The following VPS13B variants were observed in gnomAD, a reference collection of about 807,000 sequenced individuals.
The protein encoded by VPS13B is vacuolar protein sorting 13 homolog B, also known as intermembrane lipid transfer protein VPS13B.
In VPS13B, 285 loss-of-function variants were observed where a neutral mutation model predicts 426.4. That is an observed-to-expected ratio of 0.67 (90% confidence interval 0.61 to 0.74). The LOEUF (loss-of-function observed/expected upper bound fraction) is 0.74. Among genes scored for constraint, VPS13B ranks in the 30% least tolerant of loss-of-function variants. The pLI is 0.00. For missense variants in VPS13B, 4,537 were observed against 4,782.6 expected (o/e 0.95, Z 1.51); for synonymous variants, 1,676 against 1,676.4 (o/e 1.00, Z 0.01).
At chr8:99,197,100 A>G (rs1224460605) in intron 17 of VPS13B, among the ~76,000 whole-genome samples, 2 of 152,092 alleles carry the variant, frequency 1.3e-5, no homozygotes, top group African/African-American at 2.4e-5. Context: ...TTTGTCCTTT[A>G]TTTTGTTAAT....
At chr8:99,228,324 C>T (rs1028520029) in intron 17 of VPS13B, among the ~76,000 whole-genome samples, 1 of 152,032 alleles carries the variant, frequency 6.6e-6, no homozygotes, top group African/African-American at 2.4e-5. Flanking sequence ...TGAGAACTGA[C>T]AGGTTATATG....
intron 39 of VPS13B, among the ~76,000 whole-genome samples, chr8:99,740,432 A>G (rs1809647398): frequency 6.6e-6 from 1 of 152,242 alleles, no homozygotes; most frequent in Non-Finnish European, 1.5e-5. Context: ...TCCCCAATCT[A>G]GCAAGGCAGG....
chr8:99,827,777 G>C (rs551517389), intron 51 of VPS13B, among the ~76,000 whole-genome samples: 1 of 152,190 alleles, frequency 6.6e-6, no homozygotes, highest in Admixed American at 6.5e-5. Context: ...ATTCTGGTAT[G>C]TTGTGTCTTT....
At chr8:99,353,827 CAGTAAAA>C (rs1189474026) in intron 19 of VPS13B, among the ~76,000 whole-genome samples, 1 of 152,010 alleles carries the variant, frequency 6.6e-6, no homozygotes, top group African/African-American at 2.4e-5. Context: ...TGACTTGTAG[CAGTAAAA>C]ACTATTATGA....
intron 2 of VPS13B, among the ~76,000 whole-genome samples, chr8:99,032,087 G>A (rs891402336): frequency 6.6e-6 from 1 of 152,194 alleles, no homozygotes; most frequent in African/African-American, 2.4e-5. Context: ...GACTGCTGAG[G>A]ATGTCTTGCT....
chr8:99,398,114 GT>G (rs1814838766), intron 21 of VPS13B, among the ~76,000 whole-genome samples: 1 of 152,272 alleles, frequency 6.6e-6, no homozygotes, highest in African/African-American at 2.4e-5. Context: ...TTAAAAAAAT[GT>G]TTTTAGTGTT....
intron 39 of VPS13B, among the ~76,000 whole-genome samples, chr8:99,728,668 A>G (rs1039665834): frequency 7.4e-4 from 113 of 152,344 alleles, no homozygotes; most frequent in African/African-American, 2.6e-3. Flanking sequence ...ATTGAGAGCA[A>G]CTGCTGTAAG....
At chr8:99,382,943 T>G (rs187133499) in intron 19 of VPS13B, among the ~76,000 whole-genome samples, 71 of 152,304 alleles carry the variant, frequency 4.7e-4, no homozygotes, top group African/African-American at 1.6e-3. Context: ...TGATGGCATA[T>G]TTCCTATATG....
rs200542807 is a variant in VPS13B, at chr8:99,032,109, G to A, written c.148-6314G>A. ...GAGGATGTCTTGCTTAACTTTTCTC[G>A]TCAATAGGGAGTCCCTTCTGGCTCC... On this transcript the variant is annotated intron_variant, in intron 2 of 61. Transcript: ENST00000357162. 4.6e-5 allele frequency among the ~76,000 whole-genome samples: 7 copies of A among 152,286 alleles called. No homozygotes were observed. In the East Asian group the frequency reaches 9.6e-4, roughly 21 times the overall value.
At chr8:99,561,732 T>C (rs954920525) in intron 31 of VPS13B, among the ~76,000 whole-genome samples, 4 of 152,234 alleles carry the variant, frequency 2.6e-5, no homozygotes, top group Non-Finnish European at 4.4e-5. Context: ...TCTTGACTTA[T>C]GATGCATTCA....
chr8:99,140,275 G>T (rs1305700470), intron 12 of VPS13B, among the ~76,000 whole-genome samples: 1 of 146,526 alleles, frequency 6.8e-6, no homozygotes, highest in African/African-American at 2.5e-5. Flanking sequence ...TGAGGCAGGA[G>T]AATCACTTGA....
At chr8:99,703,786 T>G (rs1453161555) in intron 36 of VPS13B, among the ~76,000 whole-genome samples, 1 of 152,064 alleles carries the variant, frequency 6.6e-6, no homozygotes, top group East Asian at 1.9e-4. Context: ...GCTACAGACT[T>G]TAGCTCCCCT....
chr8:99,524,366 A>G (rs1822537212), intron 30 of VPS13B, among the ~76,000 whole-genome samples: 1 of 152,234 alleles, frequency 6.6e-6, no homozygotes, highest in African/African-American at 2.4e-5. Context: ...AAAGATATCA[A>G]TTCAAGTACA....
At chr8:99,205,547 T>A (rs2132773612) in intron 17 of VPS13B, among the ~76,000 whole-genome samples, 1 of 152,320 alleles carries the variant, frequency 6.6e-6, no homozygotes, top group Non-Finnish European at 1.5e-5. Context: ...ACTTTTCACA[T>A]ACTTTACAGC....
chr8:99,079,420 T>C (rs1474033204), intron 3 of VPS13B, among the ~76,000 whole-genome samples: 1 of 152,120 alleles, frequency 6.6e-6, no homozygotes, highest in Admixed American at 6.6e-5. Context: ...CAAAATTGAA[T>C]GTGGTTGTGG....
At chr8:99,474,914 GTATAGCCCCAAAC>G (rs1431550488) in intron 24 of VPS13B, among the ~76,000 whole-genome samples, 1 of 152,046 alleles carries the variant, frequency 6.6e-6, no homozygotes, top group Admixed American at 6.6e-5. Flanking sequence ...AGCTTTATTT[GTATAGCCCCAAAC>G]TGGACACAAC....
intron 3 of VPS13B, chr8:99,091,598 AG>A (rs1412566361): frequency 6.6e-6 from 1 of 152,168 alleles, no homozygotes; most frequent in African/African-American, 2.4e-5. Context: ...GAGTTGAGTC[AG>A]ATTTCTATTT....
intron 58 of VPS13B, among the ~76,000 whole-genome samples, chr8:99,866,694 G>A (rs1434296437): frequency 6.6e-6 from 1 of 152,258 alleles, no homozygotes; most frequent in Non-Finnish European, 1.5e-5. Flanking sequence ...GCTGGCCCAG[G>A]CCCCACTCTT....
At chr8:99,171,416 A>G (rs1588111307) in intron 16 of VPS13B, among the ~76,000 whole-genome samples, 2 of 152,076 alleles carry the variant, frequency 1.3e-5, no homozygotes, top group East Asian at 3.9e-4. Flanking sequence ...CATTTCTAGG[A>G]CCAAAATAGT....
Sources: gnomAD v4.1 joint callset for allele counts (sites outside exome capture counted in the v4.1 genomes callset) on GRCh38, gnomAD v4.1.1 for gene constraint, MANE v1.5 for transcripts, NCBI Gene and HGNC (gene_info 2026-07-23, HGNC 2026-07-21) for gene names.